The following COL23A1 variants were observed in gnomAD, a reference collection of about 807,000 sequenced individuals.
The protein encoded by COL23A1 is collagen alpha-1(XXIII) chain.
A neutral mutation model predicts 99.3 loss-of-function variants in COL23A1; 97 were observed. The observed-to-expected ratio is 0.98, with a 90% CI of 0.83 to 1.16. The LOEUF (loss-of-function observed/expected upper bound fraction) is 1.16, where lower values mean the gene tolerates loss of function less well. Among genes scored for constraint, COL23A1 ranks in the 50% most tolerant of loss-of-function variants. The pLI is 0.00. For missense variants in COL23A1, 762 were observed against 757.4 expected, an observed-to-expected ratio of 1.01 and a Z score of -0.07; for synonymous variants, 320 against 308.2, an observed-to-expected ratio of 1.04 and a Z score of -0.40.
At chr5:178,535,620 C>T (rs539551182) in intron 2 of COL23A1, among the ~76,000 whole-genome samples, 30 of 152,378 alleles carry the variant, frequency 2.0e-4, no homozygotes, top group South Asian at 1.2e-3. Context: ...AAACACAAGG[C>T]GTGGTCACAG....
rs150011971 is a variant in COL23A1 at position 178,297,107 on chromosome 5, C to T, written c.407-6738G>A. Reference sequence around the variant, plus strand: ...TGCTCCATCCTTCCCTCTCAGTTCCCCAAGCTGCCAGCTCCCTTCAGCCTT... The same window carrying T: ...TGCTCCATCCTTCCCTCTCAGTTCCTCAAGCTGCCAGCTCCCTTCAGCCTT... On this transcript the variant is annotated intron_variant, in intron 3 of 28. Transcript: ENST00000390654. Among the ~76,000 whole-genome samples, 14 of 152,366 alleles carry T rather than the reference C, an allele frequency of 9.2e-5. No individual in the cohort carries two copies. The East Asian group carries it at 2.1e-3, about 23-fold the overall frequency.
Position 178,561,481 on chromosome 5 carries a change from C to T in COL23A1, c.295-733G>A, listed in dbSNP as rs557416547. 2.0e-5 allele frequency among the ~76,000 whole-genome samples: 3 copies of T among 152,236 alleles called. No individual in the cohort carries two copies. In the South Asian group the frequency reaches 6.2e-4, roughly 32 times the overall value. On this transcript the variant is annotated intron_variant, in intron 1 of 28. Transcript: ENST00000390654. ...GGACTGCTCTGGCAGGCTCCTGGCC[C>T]GATGGAACCCTATGGGCACCCCTGA...
Position 178,366,665 on chromosome 5 carries a change from A to G in COL23A1, c.362-59746T>C, listed in dbSNP as rs925835426. Among the ~76,000 whole-genome samples, 4 of 152,126 alleles carry G rather than the reference A, an allele frequency of 2.6e-5. No individual in the cohort carries two copies. The highest frequency in any genetic ancestry group is 9.7e-5 in the African/African-American group (4 of 41,436). On this transcript the variant is annotated intron_variant, in intron 2 of 28. Transcript: ENST00000390654. The surrounding 1 kb of genome is among the most constrained non-coding windows in gnomAD (Gnocchi z 4.4). ...CCACTCTCCAGCTACCCCTAGAACC[A>G]AAACAGCATCCTGCCGCTGCCACGG...
intron 2 of COL23A1, among the ~76,000 whole-genome samples, chr5:178,412,082 G>T (rs927174499): frequency 3.9e-5 from 6 of 152,182 alleles, no homozygotes; most frequent in African/African-American, 1.2e-4. Context: ...CTGTAACATT[G>T]TATATAATGG....
chr5:178,507,244 C>T (rs1562034907), intron 2 of COL23A1, among the ~76,000 whole-genome samples: 1 of 152,196 alleles, frequency 6.6e-6, no homozygotes, highest in Non-Finnish European at 1.5e-5. Context: ...AGAGTCCCTC[C>T]TCATTGCCTC....
intron 2 of COL23A1, among the ~76,000 whole-genome samples, chr5:178,344,325 T>G (rs926159838): frequency 2.0e-5 from 3 of 152,208 alleles, no homozygotes; most frequent in African/African-American, 7.2e-5. Flanking sequence ...CACAGTTGTT[T>G]AGGGAATAAT....
chr5:178,249,390 C>T (rs959425648), intron 18 of COL23A1, among the ~76,000 whole-genome samples, 184 bp from the exon 19 acceptor site: 1 of 152,202 alleles, frequency 6.6e-6, no homozygotes, highest in Non-Finnish European at 1.5e-5. Context: ...GCACGCCACT[C>T]CTGGCTCATT....
chr5:178,517,346 AG>A (rs1759577735), intron 2 of COL23A1, among the ~76,000 whole-genome samples: 1 of 152,122 alleles, frequency 6.6e-6, no homozygotes, highest in Non-Finnish European at 1.5e-5. Flanking sequence ...GCACAGTGGA[AG>A]GGCTTAGAAT....
chr5:178,288,208 G>A (rs998369949), intron 5 of COL23A1, 116 bp downstream of exon 5: 3 of 944,554 alleles, frequency 3.2e-6, no homozygotes, highest in Non-Finnish European at 5.3e-6. Flanking sequence ...GAAAGACCAC[G>A]GCTGCTGAGG....
At chr5:178,585,555 T>A (rs63749588) in intron 1 of COL23A1, among the ~76,000 whole-genome samples, 107 of 75,214 alleles carry the variant, frequency 1.4e-3, no homozygotes, top group African/African-American at 4.1e-3. Flanking sequence ...ACAGCCCTGG[T>A]TGATGCTGGG....
In COL23A1 at chr5:178,280,505, A is replaced by C. The variant is rs1046701866; in HGVS notation, c.441+7819T>G. Among the ~76,000 whole-genome samples the C allele has an allele frequency of 6.6e-6, 1 of 152,174 alleles. No individual in the cohort carries two copies. Among genetic ancestry groups the C allele is most frequent in the African/African-American group, 2.4e-5 (1 of 41,436 alleles). ...CACTGCATGGGCTGGACATCGTGCCAGCCCTGGGTCCTGGTCGGGGGCAGC... is the reference window on the plus strand; with the variant it reads ...CACTGCATGGGCTGGACATCGTGCCCGCCCTGGGTCCTGGTCGGGGGCAGC... On this transcript the variant is annotated intron_variant, in intron 5 of 28. Transcript: ENST00000390654. This position sits in a 1 kb window ranked among gnomAD's most constrained non-coding sequence, Gnocchi z 4.9.
At chr5:178,293,042 G>T (rs1757545696) in intron 3 of COL23A1, among the ~76,000 whole-genome samples, 1 of 152,040 alleles carries the variant, frequency 6.6e-6, no homozygotes, top group Non-Finnish European at 1.5e-5. Flanking sequence ...ATGGGAGAGG[G>T]TTTCAGAGAG....
intron 2 of COL23A1, among the ~76,000 whole-genome samples, chr5:178,401,045 G>A (rs988437485): frequency 2.0e-5 from 3 of 152,154 alleles, no homozygotes; most frequent in African/African-American, 4.8e-5. Flanking sequence ...TCTACTTTCT[G>A]TCTCTATGAA....
At chr5:178,494,039 A>G (rs1168302644) in intron 2 of COL23A1, among the ~76,000 whole-genome samples, 1 of 152,252 alleles carries the variant, frequency 6.6e-6, no homozygotes, top group Admixed American at 6.5e-5. Context: ...ATGTGGGAAC[A>G]TGAAGGTTTG....
At chr5:178,408,810 C>G (rs1413497893) in intron 2 of COL23A1, among the ~76,000 whole-genome samples, 10 of 151,912 alleles carry the variant, frequency 6.6e-5, no homozygotes, top group Non-Finnish European at 4.4e-5. Context: ...CAAAAATTAG[C>G]TGGGTGTGGT....
At chr5:178,585,956 A>C (rs943634660) in intron 1 of COL23A1, among the ~76,000 whole-genome samples, 5 of 152,318 alleles carry the variant, frequency 3.3e-5, no homozygotes, top group Admixed American at 2.0e-4. Flanking sequence ...AAGGTGGGAA[A>C]GTTTTCCCCT....
intron 5 of COL23A1, among the ~76,000 whole-genome samples, chr5:178,273,156 C>T (rs1031473391): frequency 6.6e-6 from 1 of 152,228 alleles, no homozygotes; most frequent in South Asian, 2.1e-4. Context: ...ATGTGAAGCA[C>T]GCAGAGCCAC....
chr5:178,280,455 T>C lies in COL23A1; in HGVS notation c.441+7869A>G, dbSNP rs1037917228. On this transcript the variant is annotated intron_variant, in intron 5 of 28. Coordinates refer to ENST00000390654, the MANE Select transcript of COL23A1 (RefSeq NM_173465.4). The surrounding 1 kb of genome is among the most constrained non-coding windows in gnomAD (Gnocchi z 4.9). ...GACGTGCCTGAGGCCACATGGACTA[T>C]AGACCCCTGGGCCCATTCTGTCTCC... Among the ~76,000 whole-genome samples the C allele has an allele frequency of 6.6e-6, 1 of 152,144 alleles. No individual in the cohort carries two copies. Among genetic ancestry groups the C allele is most frequent in the East Asian group, 1.9e-4 (1 of 5,192 alleles).
chr5:178,377,908 T>A (rs1763168040), intron 2 of COL23A1: 1 of 152,268 alleles, frequency 6.6e-6, no homozygotes, highest in Non-Finnish European at 1.5e-5. Flanking sequence ...AGGGATTTAC[T>A]CAAGAGCCAC....
Sources: gnomAD v4.1 joint callset for allele counts (sites outside exome capture counted in the v4.1 genomes callset) on GRCh38, gnomAD v4.1.1 for gene constraint, Gnocchi (gnomAD v3.1) non-coding constraint, MANE v1.5 for transcripts, NCBI Gene and HGNC (gene_info 2026-07-23, HGNC 2026-07-21) for gene names.